Variants in CREBBP observed in about 807,000 individuals in gnomAD.
CREBBP encodes the protein CREB binding lysine acetyltransferase.
In CREBBP, 19 loss-of-function variants were observed where a neutral mutation model predicts 265.0. That is an observed-to-expected ratio of 0.07 (90% CI 0.05 to 0.11). The LOEUF is 0.11. Among genes scored for constraint, CREBBP ranks in the 10% least tolerant of loss-of-function variants. CREBBP has a pLI of 1.00. For synonymous variants in CREBBP, 1,457 were observed against 1,223.7 expected (o/e 1.19, Z -3.98); for missense variants, 2,525 against 3,219.0 (o/e 0.78, Z 5.22).
At chr16:3,811,340 C>T (rs1035035576) in intron 2 of CREBBP, among the ~76,000 whole-genome samples, 8 of 152,142 alleles carry the variant, frequency 5.3e-5, no homozygotes, top group Admixed American at 3.9e-4. Flanking sequence ...CTCTCCTGCT[C>T]CTCTTCAAAC....
intron 3 of CREBBP, among the ~76,000 whole-genome samples, chr16:3,801,273 A>G (rs534845358): frequency 6.6e-6 from 1 of 152,350 alleles, no homozygotes; most frequent in Admixed American, 6.5e-5. Flanking sequence ...AACAGGACCA[A>G]AGCAACTCAA....
chr16:3,841,232 G>C (rs1206361603), intron 2 of CREBBP, among the ~76,000 whole-genome samples: 4 of 151,930 alleles, frequency 2.6e-5, no homozygotes, highest in Non-Finnish European at 5.9e-5. Flanking sequence ...CAGCTCTACT[G>C]CTTAATTTGA....
intron 1 of CREBBP, among the ~76,000 whole-genome samples, chr16:3,869,980 A>G (rs996779904): frequency 3.3e-5 from 5 of 152,240 alleles, no homozygotes; most frequent in African/African-American, 1.2e-4. Flanking sequence ...CGATTCCCAC[A>G]GTAGTAGAGG....
chr16:3,803,412 G>A (rs1221007684), intron 3 of CREBBP, among the ~76,000 whole-genome samples: 3 of 151,894 alleles, frequency 2.0e-5, no homozygotes, highest in African/African-American at 7.3e-5. Context: ...GGCTGAGGCA[G>A]GAGAATAGCT....
chr16:3,758,692 T>C (rs1434265573), intron 17 of CREBBP, among the ~76,000 whole-genome samples, 162 bp downstream of exon 17: 1 of 152,162 alleles, frequency 6.6e-6, no homozygotes, highest in Admixed American at 6.5e-5. Flanking sequence ...TCAAACAAAA[T>C]AAACACTTTC....
intron 2 of CREBBP, among the ~76,000 whole-genome samples, chr16:3,849,442 T>TGTGTGTGTGTGTGTGTGTGTGTGTG (rs2054764699): frequency 5.4e-5 from 1 of 18,670 alleles, no homozygotes; most frequent in African/African-American, 8.8e-5. Context: ...TGTGTGTGTG[T>TGTGTGTGTGTGTGTGTGTGTGTGTG]GTGTGTGTGT....
At chr16:3,866,309 A>C (rs2055177869) in intron 1 of CREBBP, among the ~76,000 whole-genome samples, 1 of 152,212 alleles carries the variant, frequency 6.6e-6, no homozygotes, top group South Asian at 2.1e-4. Context: ...CTAGCAAATC[A>C]ATGAAGAAAC....
chr16:3,764,968 GTTTTGT>G lies in CREBBP; in HGVS notation c.3250+2746_3250+2751del, dbSNP rs527701845. Reference sequence around the variant, plus strand: ...GTACATGTGTGTGGTTTTTTTTTTTGTTTTGTTTTTGTTTTTGTTTTTGTTTTTTGA... The same window carrying G: ...GTACATGTGTGTGGTTTTTTTTTTTGTTTTGTTTTTGTTTTTGTTTTTTGA... On this transcript the variant is annotated intron_variant, in intron 16 of 30. Coordinates refer to ENST00000262367, the MANE Select transcript of CREBBP (RefSeq NM_004380.3). Among the ~76,000 whole-genome samples the G allele has an allele frequency of 3.5e-3, 524 of 148,676 alleles. 1 individual carries two copies. Among genetic ancestry groups the G allele is most frequent in the African/African-American group, 8.6e-3 (349 of 40,604 alleles).
chr16:3,865,150 C>A (rs553245157), intron 1 of CREBBP, among the ~76,000 whole-genome samples: 2 of 152,352 alleles, frequency 1.3e-5, no homozygotes, highest in African/African-American at 4.8e-5. Flanking sequence ...TACCAACACA[C>A]AGGCTCTTGA....
chr16:3,741,310 T>C (rs1250685170), intron 23 of CREBBP: 2 of 152,266 alleles, frequency 1.3e-5, no homozygotes, highest in Admixed American at 1.3e-4. Flanking sequence ...GTATAGACAA[T>C]GAGATTTTAA....
intron 5 of CREBBP, among the ~76,000 whole-genome samples, chr16:3,788,521 G>A (rs1260022498): frequency 6.6e-6 from 1 of 152,170 alleles, no homozygotes; most frequent in Admixed American, 6.5e-5. Flanking sequence ...TGAATTTACT[G>A]GAGGTCAGAT....
At chr16:3,767,001 A>C (rs931572042) in intron 16 of CREBBP, among the ~76,000 whole-genome samples, 1 of 152,162 alleles carries the variant, frequency 6.6e-6, no homozygotes, top group African/African-American at 2.4e-5. Context: ...ATTTCTCTGC[A>C]ATCTTTCCCA....
rs944882349 is a variant in CREBBP at position 3,727,259 on chromosome 16, C to T, written c.*459G>A. Reference sequence around the variant, plus strand: ...TCTTCCCGAAACATCACAAAGTTATCGGGATACATTATAAGCTTGCATTAT... The same window carrying T: ...TCTTCCCGAAACATCACAAAGTTATTGGGATACATTATAAGCTTGCATTAT... On this transcript the variant is annotated 3_prime_UTR_variant, in exon 31 of 31. Transcript: ENST00000262367. 3.5e-5 allele frequency: 9 copies of T among 256,588 alleles called. No homozygotes were observed. The highest frequency in any genetic ancestry group is 8.8e-5 in the African/African-American group (4 of 45,330). The allele number at this position is 256,588 out of a possible 1,614,324, so 15.9% of individuals were successfully genotyped here.
intron 1 of CREBBP, among the ~76,000 whole-genome samples, chr16:3,855,157 A>C (rs372993851): frequency 6.6e-6 from 1 of 152,256 alleles, no homozygotes; most frequent in East Asian, 1.9e-4. Context: ...ACAAGATCCA[A>C]GATCTAATTC....
intron 5 of CREBBP, among the ~76,000 whole-genome samples, chr16:3,786,624 C>G (rs1442200039): frequency 6.6e-6 from 1 of 152,116 alleles, no homozygotes; most frequent in East Asian, 1.9e-4. Flanking sequence ...ACGGGGTCAC[C>G]CAACGCAGGC....
At chr16:3,791,251 C>T (rs1425746532) in intron 5 of CREBBP, 1 of 152,852 alleles carries the variant, frequency 6.5e-6, no homozygotes, top group African/African-American at 2.4e-5. Context: ...TTCTTACTGC[C>T]TGAAGCCTAC....
chr16:3,868,819 T>A (rs2055233402), intron 1 of CREBBP, among the ~76,000 whole-genome samples: 2 of 152,224 alleles, frequency 1.3e-5, no homozygotes, highest in South Asian at 4.1e-4. Context: ...CAGAAGCAGC[T>A]TCTGCCACTA....
intron 2 of CREBBP, among the ~76,000 whole-genome samples, chr16:3,834,344 G>A (rs1276454495): frequency 2.6e-5 from 4 of 152,164 alleles, no homozygotes; most frequent in African/African-American, 9.7e-5. Flanking sequence ...CCAAAACTTG[G>A]AAGCAACCAT....
chr16:3,830,084 G>C (rs537991835), intron 2 of CREBBP, among the ~76,000 whole-genome samples: 2 of 152,294 alleles, frequency 1.3e-5, no homozygotes, highest in East Asian at 1.9e-4. Flanking sequence ...CTGCTTACAA[G>C]AGACATACTT....
Sources: allele counts gnomAD v4.1 joint callset (sites outside exome capture counted in the v4.1 genomes callset), GRCh38; gene constraint gnomAD v4.1.1; transcripts MANE v1.5; gene names NCBI Gene and HGNC (gene_info 2026-07-23, HGNC 2026-07-21).